The following TANGO6 variants were observed in gnomAD, a reference collection of about 807,000 sequenced individuals.
The protein encoded by TANGO6 is transport and Golgi organization protein 6 homolog.
TANGO6 carries 90 observed loss-of-function variants against 114.2 expected under a neutral mutation model. The ratio of observed to expected loss-of-function variants is 0.79; its 90% CI spans 0.66 to 0.94. TANGO6 has a LOEUF of 0.94. TANGO6 is among the 40% of genes least tolerant of loss of function. TANGO6 has a pLI of 0.00. For missense variants in TANGO6, 1,274 were observed against 1,315.3 expected, an observed-to-expected ratio of 0.97 and a Z score of 0.49; for synonymous variants, 477 against 509.8, an observed-to-expected ratio of 0.94 and a Z score of 0.87.
At chr16:68,929,318 C>T (rs1442023481) in intron 13 of TANGO6, among the ~76,000 whole-genome samples, 3 of 152,156 alleles carry the variant, frequency 2.0e-5, no homozygotes, top group African/African-American at 4.8e-5. Context: ...CATAATTGGT[C>T]ACCAAGTCCT....
intron 6 of TANGO6, among the ~76,000 whole-genome samples, chr16:68,879,937 TCCAATCC>T (rs1417606325): frequency 6.6e-6 from 1 of 150,784 alleles, no homozygotes; most frequent in East Asian, 2.0e-4. Flanking sequence ...TTTCATTTCA[TCCAATCC>T]CCAATTTTTA....
At chr16:68,846,403 T>C (rs2152147962) in intron 1 of TANGO6, 1 of 222,718 alleles carries the variant, frequency 4.5e-6, no homozygotes, top group Middle Eastern at 1.9e-3. Context: ...CTGAAGTACA[T>C]GAAGAAAACC....
At chr16:69,006,942 CT>C in intron 15 of TANGO6, 1 of 152,228 alleles carries the variant, frequency 6.6e-6, no homozygotes. Context: ...CGAGCAATCA[CT>C]ACTGTACTTG....
At position 68,867,130 on chromosome 16, in the gene TANGO6, C is replaced by T. The variant is rs556600020; in HGVS notation, c.904C>T (p.Arg302Trp). The T allele has an allele frequency of 3.5e-5, 56 of 1,613,884 alleles. No homozygotes were observed. Among genetic ancestry groups the T allele is most frequent in the South Asian group, 7.7e-5 (7 of 91,068 alleles). ...GAGGTGTCGGGCCCCAGCTTGGCTT[C>T]GGCGTCTATGTGGACAGCTGCTCTC... is the stretch of plus-strand genomic sequence containing the variant. The part of the protein sequence containing the change: ...QMRCRAPAWL[R>W]RLCGQLLSER... The change falls in exon 4 of 18, where the codon CGG (arginine) becomes TGG (tryptophan). Residue 302 changes from arginine (R) to tryptophan (W), a missense_variant. This residue lies in a region of TANGO6 where 908 missense variants were observed against 910.2 expected (regional missense o/e 1.00). Coordinates refer to ENST00000261778, the MANE Select transcript of TANGO6 (RefSeq NM_024562.2).
At chr16:68,894,367 C>A (rs1281948896) in intron 7 of TANGO6, among the ~76,000 whole-genome samples, 3 of 152,044 alleles carry the variant, frequency 2.0e-5, no homozygotes, top group Admixed American at 2.0e-4. Flanking sequence ...CAGAACTAGA[C>A]AAGAGATTGG....
intron 14 of TANGO6, among the ~76,000 whole-genome samples, chr16:68,964,162 A>G (rs1204483455): frequency 6.6e-6 from 1 of 152,072 alleles, no homozygotes; most frequent in Non-Finnish European, 1.5e-5. Context: ...AAATATTCCC[A>G]ACACAGAGAA....
intron 14 of TANGO6, among the ~76,000 whole-genome samples, chr16:68,971,133 A>G (rs1963700502): frequency 6.6e-6 from 1 of 151,340 alleles, no homozygotes; most frequent in Non-Finnish European, 1.5e-5. Context: ...GTTGGGTGAC[A>G]GAGCGAGACT....
At chr16:69,021,910 G>A (rs1339595083) in intron 15 of TANGO6, among the ~76,000 whole-genome samples, 2 of 137,834 alleles carry the variant, frequency 1.5e-5, no homozygotes, top group African/African-American at 5.5e-5. Context: ...TTTTAAGACA[G>A]AATCTCACTG....
At chr16:68,971,521 C>T (rs1268516099) in intron 14 of TANGO6, among the ~76,000 whole-genome samples, 3 of 152,154 alleles carry the variant, frequency 2.0e-5, no homozygotes, top group African/African-American at 7.2e-5. Context: ...GTGATCCTCC[C>T]ACCTCAGCCT....
At chr16:68,886,610 G>A (rs1177416236) in intron 7 of TANGO6, among the ~76,000 whole-genome samples, 2 of 152,108 alleles carry the variant, frequency 1.3e-5, no homozygotes, top group African/African-American at 4.8e-5. Context: ...TTGGGTTCAA[G>A]CAATTCTCCT....
intron 15 of TANGO6, among the ~76,000 whole-genome samples, chr16:69,016,744 C>T (rs1959305139): frequency 6.6e-6 from 1 of 152,134 alleles, no homozygotes; most frequent in Non-Finnish European, 1.5e-5. Flanking sequence ...ACTGCAACCT[C>T]CGCCTCCTGG....
intron 2 of TANGO6, among the ~76,000 whole-genome samples, chr16:68,861,335 C>T (rs923247456): frequency 1.3e-5 from 2 of 152,190 alleles, no homozygotes; most frequent in Admixed American, 6.5e-5. Flanking sequence ...ACAATGTTCT[C>T]GTTTCTCTGT....
At chr16:69,045,462 G>T (rs1015380323) in intron 17 of TANGO6, among the ~76,000 whole-genome samples, 6 of 96,100 alleles carry the variant, frequency 6.2e-5, no homozygotes, top group African/African-American at 1.8e-4. Context: ...AAAAAAAAAA[G>T]GCTGGGTGCA....
intron 7 of TANGO6, among the ~76,000 whole-genome samples, chr16:68,889,329 T>G (rs1962581314): frequency 6.6e-6 from 1 of 152,228 alleles, no homozygotes; most frequent in African/African-American, 2.4e-5. Context: ...TTTGACAGAT[T>G]AACCACTCAT....
chr16:68,973,872 A>G (rs989651233), intron 14 of TANGO6, 156 bp from the exon 15 acceptor site: 8 of 792,124 alleles, frequency 1.0e-5, no homozygotes, highest in Non-Finnish European at 1.4e-5. Context: ...CGTTCCACTC[A>G]CTATGCTGAC....
At chr16:68,965,071 A>G (rs1963631689) in intron 14 of TANGO6, among the ~76,000 whole-genome samples, 1 of 152,246 alleles carries the variant, frequency 6.6e-6, no homozygotes, top group African/African-American at 2.4e-5. Context: ...GGCTTACCAC[A>G]GAATTTAGAC....
chr16:68,908,717 T>TAGTGCTGG lies in TANGO6; in HGVS notation c.1801-491_1801-484dup, dbSNP rs1306939170. On this transcript the variant is annotated intron_variant, in intron 10 of 17. Coordinates refer to ENST00000261778, the MANE Select transcript of TANGO6 (RefSeq NM_024562.2). ...TAAGTATCTTAGAGGAAAAGAGCTG[T>TAGTGCTGG]AGTGCTGGAGGCATCTCATGGTCTC... 4.9e-4 allele frequency among the ~76,000 whole-genome samples: 75 copies of TAGTGCTGG among 152,280 alleles called. No individual in the cohort carries two copies. In the Middle Eastern group the frequency reaches 0.01, roughly 21 times the overall value.
intron 9 of TANGO6, among the ~76,000 whole-genome samples, chr16:68,905,063 A>C (rs950436193): frequency 6.6e-6 from 1 of 152,026 alleles, no homozygotes; most frequent in Admixed American, 6.6e-5. Flanking sequence ...TCTCTACTAA[A>C]AATACAAAAT....
chr16:69,014,693 G>A (rs986428277), intron 15 of TANGO6, among the ~76,000 whole-genome samples: 7 of 151,970 alleles, frequency 4.6e-5, no homozygotes, highest in South Asian at 2.1e-4. Flanking sequence ...CCAGGAGTTC[G>A]AGACCAGCCT....
Sources: allele counts gnomAD v4.1 joint callset (sites outside exome capture counted in the v4.1 genomes callset), GRCh38; gene constraint gnomAD v4.1.1; regional missense constraint gnomAD v4.1.1; transcripts MANE v1.5; gene names NCBI Gene and HGNC (gene_info 2026-07-23, HGNC 2026-07-21).